Variants in OXCT1 observed in about 807,000 individuals in gnomAD.
OXCT1 encodes 3-oxoacid CoA-transferase 1.
In OXCT1, 27 loss-of-function variants were observed where a neutral mutation model predicts 69.6. The ratio of observed to expected loss-of-function variants is 0.39; its 90% confidence interval spans 0.29 to 0.54. The LOEUF (loss-of-function observed/expected upper bound fraction) is 0.54, where lower values mean the gene tolerates loss of function less well. Ranked by LOEUF, OXCT1 falls within the 20% of genes least tolerant of loss-of-function variation. OXCT1 has a pLI of 0.72. For missense variants in OXCT1, 437 were observed against 650.2 expected, an observed-to-expected ratio of 0.67 and a Z score of 3.57; for synonymous variants, 202 against 217.8, an observed-to-expected ratio of 0.93 and a Z score of 0.64.
At chr5:41,858,750 A>C (rs983147174) in intron 3 of OXCT1, among the ~76,000 whole-genome samples, 1 of 152,228 alleles carries the variant, frequency 6.6e-6, no homozygotes, top group African/African-American at 2.4e-5. Flanking sequence ...ACAAAAATAA[A>C]GTTGGGATCA....
In OXCT1 at chr5:41,781,420, A is replaced by G. The variant is rs1745394682; in HGVS notation, c.1248+12583T>C. Among the ~76,000 whole-genome samples, 3 of 151,740 alleles carry G rather than the reference A, an allele frequency of 2.0e-5. 1 individual carries two copies. In the South Asian group the frequency reaches 6.2e-4, roughly 32 times the overall value. On this transcript the variant is annotated intron_variant, in intron 13 of 16. Transcript: ENST00000196371. ...AGGTCTAGAAAGATAAAGTGACCGCAGGGACACAGCTGCTGCTTTTTTTTT... is the reference window on the plus strand; with the variant it reads ...AGGTCTAGAAAGATAAAGTGACCGCGGGGACACAGCTGCTGCTTTTTTTTT...
intron 13 of OXCT1, among the ~76,000 whole-genome samples, chr5:41,781,635 G>A (rs764230604): frequency 3.3e-5 from 5 of 152,096 alleles, no homozygotes; most frequent in Admixed American, 6.5e-5. Context: ...CCCTCTGTAT[G>A]TGTTGTTCCC....
Position 41,818,795 on chromosome 5 carries a change from G to T in OXCT1, c.733-11357C>A, listed in dbSNP as rs77030081. On this transcript the variant is annotated intron_variant, in intron 7 of 16. Coordinates refer to ENST00000196371, the MANE Select transcript of OXCT1 (RefSeq NM_000436.4). ...TTATAAGACAAAAATTAACAAAAGG[G>T]GTCAATGAATCATATTTATCACTTT... 6.6e-5 allele frequency among the ~76,000 whole-genome samples: 10 copies of T among 151,898 alleles called. No homozygotes were observed. The East Asian group carries it at 1.9e-3, about 29-fold the overall frequency.
intron 4 of OXCT1, 48 bp downstream of exon 4, chr5:41,853,371 A>T: frequency 6.4e-7 from 1 of 1,563,932 alleles, no homozygotes; most frequent in Middle Eastern, 1.7e-4. Flanking sequence ...AGAAAAAAGG[A>T]ATTTTTAAAG....
intron 13 of OXCT1, among the ~76,000 whole-genome samples, chr5:41,769,791 T>A (rs1002931482): frequency 1.3e-5 from 2 of 152,170 alleles, no homozygotes; most frequent in Non-Finnish European, 2.9e-5. Context: ...ATTATTATTT[T>A]TGAGACAGAG....
At chr5:41,801,129 AGAAC>A in intron 10 of OXCT1, 59 bp from the exon 11 acceptor site, 9 of 1,258,306 alleles carry the variant, frequency 7.2e-6, no homozygotes, top group Non-Finnish European at 9.3e-6. Context: ...ATCACATATT[AGAAC>A]TATAATATAA....
At chr5:41,743,123 C>T (rs1316996090) in intron 15 of OXCT1, among the ~76,000 whole-genome samples, 1 of 152,190 alleles carries the variant, frequency 6.6e-6, no homozygotes, top group Admixed American at 6.5e-5. Context: ...TATTTCTCCA[C>T]ATCCTCTCCA....
chr5:41,751,786 C>G (rs1325023089), intron 14 of OXCT1, among the ~76,000 whole-genome samples: 3 of 152,214 alleles, frequency 2.0e-5, no homozygotes, highest in Middle Eastern at 3.4e-3. Context: ...GAAAACACAA[C>G]ACAAATTTGG....
At chr5:41,806,780 G>A (rs1183322939) in intron 8 of OXCT1, among the ~76,000 whole-genome samples, 3 of 151,958 alleles carry the variant, frequency 2.0e-5, no homozygotes, top group African/African-American at 7.2e-5. Flanking sequence ...CCAGTCTCAG[G>A]TATTCTTTTA....
chr5:41,731,740 T>C lies in OXCT1; in HGVS notation c.1552A>G (p.Ile518Val). 6.2e-7 allele frequency: 1 copy of C among 1,609,698 alleles called. No homozygotes were observed. The highest frequency in any genetic ancestry group is 8.5e-7 in the Non-Finnish European group (1 of 1,177,858). ...VSPKLMPMQQ[I>V]AN is the part of the protein sequence containing the mutation. ...CAAATATCCATATTTCAATTTGCGA[T>C]CTGCTGCATTGGCATGAGTTTTGGT... The change falls in exon 17 of 17, where the codon ATC (isoleucine) becomes GTC (valine). Residue 518 changes from isoleucine to valine, a missense_variant. Around this residue, in one of 4 missense-constraint regions of OXCT1, gnomAD observed 102 missense variants for 162.1 expected, o/e 0.63. Transcript: ENST00000196371.
chr5:41,780,580 G>A (rs1027133344), intron 13 of OXCT1, among the ~76,000 whole-genome samples: 1 of 152,136 alleles, frequency 6.6e-6, no homozygotes, highest in Non-Finnish European at 1.5e-5. Flanking sequence ...GAATTGTGTA[G>A]AGTGTCTAAG....
chr5:41,860,468 G>T (rs1168609647), intron 3 of OXCT1, among the ~76,000 whole-genome samples: 1 of 152,166 alleles, frequency 6.6e-6, no homozygotes, highest in Admixed American at 6.5e-5. Context: ...CTAATCCTGA[G>T]AGATGTGGAT....
At chr5:41,817,678 AT>A (rs1747317753) in intron 7 of OXCT1, among the ~76,000 whole-genome samples, 1 of 152,200 alleles carries the variant, frequency 6.6e-6, no homozygotes, top group African/African-American at 2.4e-5. Context: ...AGGCCAGTTT[AT>A]TTGCCAATTC....
chr5:41,758,427 T>G (rs1367033463), intron 14 of OXCT1, among the ~76,000 whole-genome samples: 1 of 152,106 alleles, frequency 6.6e-6, no homozygotes, highest in South Asian at 2.1e-4. Flanking sequence ...AAATAGTACT[T>G]GGTACCAAAG....
At position 41,762,149 on chromosome 5, in the gene OXCT1, T is replaced by C. The variant is rs748285289; in HGVS notation, c.1300A>G (p.Lys434Glu). 6.2e-7 allele frequency: 1 copy of C among 1,613,404 alleles called. No individual in the cohort carries two copies. The highest frequency in any genetic ancestry group is 8.5e-7 in the Non-Finnish European group (1 of 1,179,492). The change falls in exon 14 of 17, where the codon AAA becomes GAA. Residue 434 changes from lysine to glutamate, a missense_variant. Physicochemically the swap from Lys to Glu is moderately conservative, Grantham distance 56. Coordinates refer to ENST00000196371, the MANE Select transcript of OXCT1 (RefSeq NM_000436.4). This position sits in a 1 kb window ranked among gnomAD's most constrained non-coding sequence, Gnocchi z 4.0. The part of the protein sequence containing the change: ...GGAMDLVSSA[K>E]TKVVVTMEHS... ...TCCATGGTGACCACCACTTTGGTTT[T>C]CGCACTGGACACTAAATCCATAGCA...
rs551770394 is a variant in OXCT1 at position 41,795,461 on chromosome 5, G to T, written c.1100-712C>A. 5.5e-4 allele frequency among the ~76,000 whole-genome samples: 84 copies of T among 152,268 alleles called. 1 individual carries two copies. In the South Asian group the frequency reaches 0.012, roughly 22 times the overall value. ...ATACTACTTAGGAATGAGGAGGAAG[G>T]AAGTTCTGGGGTAACACCTGTCAGA... is the stretch of plus-strand genomic sequence containing the variant. On this transcript the variant is annotated intron_variant, in intron 11 of 16. Transcript: ENST00000196371.
At chr5:41,734,910 C>G (rs1742810988) in intron 16 of OXCT1, among the ~76,000 whole-genome samples, 3 of 152,180 alleles carry the variant, frequency 2.0e-5, no homozygotes, top group African/African-American at 7.2e-5. Context: ...GATATCACCT[C>G]ACAGCCATTA....
At chr5:41,794,816 A>T in intron 11 of OXCT1, 67 bp from the exon 12 acceptor site, 1 of 1,527,142 alleles carries the variant, frequency 6.5e-7, no homozygotes, top group Non-Finnish European at 9.0e-7. Flanking sequence ...TGGTGAACAG[A>T]GGTCCACATC....
intron 7 of OXCT1, among the ~76,000 whole-genome samples, chr5:41,835,175 G>A (rs1167316336): frequency 6.6e-6 from 1 of 152,168 alleles, no homozygotes; most frequent in African/African-American, 2.4e-5. Context: ...TCAAAGAGTC[G>A]TTAGTGGCTA....
Sources: gnomAD v4.1 joint callset for allele counts (sites outside exome capture counted in the v4.1 genomes callset) on GRCh38, gnomAD v4.1.1 for gene constraint, gnomAD v4.1.1 regional missense constraint, Gnocchi (gnomAD v3.1) non-coding constraint, MANE v1.5 for transcripts, NCBI Gene and HGNC (gene_info 2026-07-23, HGNC 2026-07-21) for gene names.